The following CCNY variants were observed in gnomAD, a reference collection of about 807,000 sequenced individuals.
CCNY encodes cyclin Y, also known as cyclin-Y.
Under a neutral mutation model 42.8 loss-of-function variants are expected in CCNY, and 19 were observed. The observed-to-expected ratio is 0.44, with a 90% CI of 0.31 to 0.65. The LOEUF is 0.65. CCNY is among the 30% of genes least tolerant of loss of function. The pLI, the probability that CCNY is intolerant of heterozygous loss-of-function variation, is 0.07. For missense variants in CCNY, 370 were observed against 437.3 expected (o/e 0.85, Z 1.37); for synonymous variants, 165 against 162.7 (o/e 1.01, Z -0.11).
chr10:35,494,149 C>A (rs1161507387), intron 2 of CCNY, among the ~76,000 whole-genome samples: 2 of 151,178 alleles, frequency 1.3e-5, no homozygotes, highest in Non-Finnish European at 2.9e-5. Context: ...GTGGCTCACT[C>A]CTGTAATCCC....
chr10:35,389,376 T>A (rs1430527914), intron 1 of CCNY, among the ~76,000 whole-genome samples: 2 of 151,486 alleles, frequency 1.3e-5, no homozygotes, highest in African/African-American at 4.9e-5. Context: ...TTTGCTGAGC[T>A]AAAGGGAACT....
chr10:35,461,889 C>T (rs532184812), intron 1 of CCNY, among the ~76,000 whole-genome samples: 2 of 152,194 alleles, frequency 1.3e-5, no homozygotes, highest in East Asian at 1.9e-4. Flanking sequence ...AGCCTGCATA[C>T]GTAAATGCAT....
intron 1 of CCNY, among the ~76,000 whole-genome samples, chr10:35,351,947 C>T (rs1016862573): frequency 7.9e-5 from 12 of 152,194 alleles, no homozygotes; most frequent in Admixed American, 1.3e-4. Context: ...GTGGTGGGAG[C>T]AGTCACTGAG....
At chr10:35,289,980 C>G (rs1205379935) in intron 3 of CCNY, among the ~76,000 whole-genome samples, 1 of 151,496 alleles carries the variant, frequency 6.6e-6, no homozygotes, top group African/African-American at 2.4e-5. Context: ...AATCTCAGCA[C>G]TTTGGGAGGC....
chr10:35,475,146 C>A (rs1839478769), intron 1 of CCNY, among the ~76,000 whole-genome samples: 1 of 152,062 alleles, frequency 6.6e-6, no homozygotes, highest in Admixed American at 6.5e-5. Context: ...TGTGAAAAGA[C>A]CAAATCTACA....
At chr10:35,335,610 G>A (rs1180850203), upstream of CCNY, among the ~76,000 whole-genome samples, 1 of 151,992 alleles carries the variant, frequency 6.6e-6, no homozygotes, top group Non-Finnish European at 1.5e-5. Flanking sequence ...TAATCCCATG[G>A]GAGGAGTCCA....
intron 8 of CCNY, among the ~76,000 whole-genome samples, chr10:35,557,272 C>T (rs969377961): frequency 6.6e-6 from 1 of 152,132 alleles, no homozygotes; most frequent in African/African-American, 2.4e-5. Flanking sequence ...TTTTACATTG[C>T]TGCTTTTTCT....
intron 1 of CCNY, among the ~76,000 whole-genome samples, chr10:35,345,067 T>A (rs2135127041): frequency 6.6e-6 from 1 of 152,328 alleles, no homozygotes; most frequent in Non-Finnish European, 1.5e-5. Context: ...GCAGCATGAT[T>A]TATAATCCTT....
chr10:35,504,317 A>T (rs1172550441), intron 3 of CCNY, among the ~76,000 whole-genome samples: 1 of 152,238 alleles, frequency 6.6e-6, no homozygotes, highest in Non-Finnish European at 1.5e-5. Flanking sequence ...ACACATAAGC[A>T]AGTGAAAAGA....
At chr10:35,544,461 C>A (rs1484734900) in intron 7 of CCNY, among the ~76,000 whole-genome samples, 1 of 152,134 alleles carries the variant, frequency 6.6e-6, no homozygotes, top group Non-Finnish European at 1.5e-5. Context: ...GGCCGTAGCA[C>A]CTGCTTTTGT....
At chr10:35,437,907 A>G (rs1367305673) in intron 1 of CCNY, among the ~76,000 whole-genome samples, 2 of 152,188 alleles carry the variant, frequency 1.3e-5, no homozygotes, top group Non-Finnish European at 2.9e-5. Context: ...TAACAATACT[A>G]AATAGATAAT....
At chr10:35,305,758 G>C (rs1835598560) in intron 3 of CCNY, among the ~76,000 whole-genome samples, 1 of 152,158 alleles carries the variant, frequency 6.6e-6, no homozygotes, top group African/African-American at 2.4e-5. Context: ...TGCTTGCTGA[G>C]TGCCCTTTGT....
At chr10:35,328,233 C>G (rs1168841315) in intron 3 of CCNY, among the ~76,000 whole-genome samples, 1 of 152,118 alleles carries the variant, frequency 6.6e-6, no homozygotes, top group Non-Finnish European at 1.5e-5. Context: ...GGGGGGCACT[C>G]GCTTTGACCT....
chr10:35,370,525 A>C (rs1173389026), intron 1 of CCNY, among the ~76,000 whole-genome samples: 1 of 151,816 alleles, frequency 6.6e-6, no homozygotes, highest in African/African-American at 2.4e-5. Flanking sequence ...ATGAAGCCTA[A>C]ATTGAACATT....
At chr10:35,510,368 C>A (rs1452559878) in intron 3 of CCNY, among the ~76,000 whole-genome samples, 1 of 152,144 alleles carries the variant, frequency 6.6e-6, no homozygotes, top group Non-Finnish European at 1.5e-5. Flanking sequence ...GCATGCATCA[C>A]CACACCTGGC....
intron 1 of CCNY, among the ~76,000 whole-genome samples, chr10:35,406,694 T>G (rs2135239234): frequency 6.6e-6 from 1 of 152,326 alleles, no homozygotes; most frequent in South Asian, 2.1e-4. Context: ...CCCCTTTCTA[T>G]TCCACAAAAC....
chr10:35,335,919 CACACA>C (rs1836014702), upstream of CCNY: 8 of 153,080 alleles, frequency 5.2e-5, no homozygotes, highest in Non-Finnish European at 1.0e-4. Flanking sequence ...CACACACACA[CACACA>C]CACCTTAGCC....
chr10:35,487,647 G>C (rs1839814819), intron 2 of CCNY, among the ~76,000 whole-genome samples: 1 of 152,078 alleles, frequency 6.6e-6, no homozygotes, highest in Non-Finnish European at 1.5e-5. Flanking sequence ...GTTCCAAGCA[G>C]GAGACTAGGA....
chr10:35,419,976 C>T (rs1838125558), intron 1 of CCNY, among the ~76,000 whole-genome samples: 2 of 145,510 alleles, frequency 1.4e-5, no homozygotes, highest in Admixed American at 6.9e-5. Context: ...GCCCTTTGGT[C>T]CTGCAGATGG....
Sources: allele counts gnomAD v4.1 joint callset (sites outside exome capture counted in the v4.1 genomes callset), GRCh38; gene constraint gnomAD v4.1.1; transcripts MANE v1.5; gene names NCBI Gene and HGNC (gene_info 2026-07-23, HGNC 2026-07-21).